ZNF615: variants seen among roughly 807,000 people sequenced by gnomAD.
The protein encoded by ZNF615 is zinc finger protein 615.
ZNF615 carries 15 observed loss-of-function variants against 15.3 expected under a neutral mutation model. That is an observed-to-expected ratio of 0.98 (90% CI 0.66 to 1.51). The LOEUF is 1.51. Ranked by LOEUF, ZNF615 falls within the 40% of genes most tolerant of loss-of-function variation. ZNF615 has a pLI of 0.00. For missense variants in ZNF615, 848 were observed against 895.9 expected, an observed-to-expected ratio of 0.95 and a Z score of 0.68; for synonymous variants, 268 against 294.6, an observed-to-expected ratio of 0.91 and a Z score of 0.92.
At position 51,993,453 on chromosome 19, in the gene ZNF615, A is replaced by G; in HGVS notation, c.1656T>C (p.Ile552=). 1 of 1,609,316 alleles carries G rather than the reference A, an allele frequency of 6.2e-7. No individual in the cohort carries two copies. Among genetic ancestry groups the G allele is most frequent in the Non-Finnish European group, 8.5e-7 (1 of 1,178,350 alleles). The change falls in exon 7 of 7, where the codon ATT becomes ATC. Residue 552 remains isoleucine (I), a synonymous_variant. Transcript: ENST00000598071. ...TGAAGCCTTTTCCACACTCATTGCA[A>G]ATATAAGGTTTCTCTCCTGTATGAG... The part of the protein sequence containing the change: ...QRTHTGEKPY[I]CNECGKGFTE...
intron 5 of ZNF615, 78 bp from the exon 6 acceptor site, chr19:52,000,456 G>A (rs1364096285): frequency 5.5e-6 from 3 of 544,886 alleles, no homozygotes; most frequent in Non-Finnish European, 6.5e-6. Context: ...ATTATTCTTA[G>A]AGGGAAGATG....
intron 6 of ZNF615, among the ~76,000 whole-genome samples, chr19:51,997,479 A>G (rs1182797545): frequency 6.6e-6 from 1 of 151,662 alleles, no homozygotes; most frequent in African/African-American, 2.4e-5. Context: ...GAAAGGTTCT[A>G]TACTTAAGAC....
Position 51,993,212 on chromosome 19 carries a change from T to G in ZNF615, c.1897A>C (p.Lys633Gln). The change falls in exon 7 of 7, where the codon AAG becomes CAG. Residue 633 changes from lysine to glutamine, a missense_variant. Transcript: ENST00000598071. ...TCACATTCATTGCATTTGTATGGCT[T>G]CTCTCCAGTATGAGTTTGCTGATGT... ...SIHQQTHTGE[K>Q]PYKCNECDKT... 6.2e-7 allele frequency: 1 copy of G among 1,614,260 alleles called. No individual in the cohort carries two copies. The highest frequency in any genetic ancestry group is 1.1e-5 in the South Asian group (1 of 91,084).
In ZNF615 at chr19:52,003,759, T is replaced by C. The variant is rs570196948; in HGVS notation, c.-48A>G. On this transcript the variant is annotated 5_prime_UTR_variant, in exon 3 of 7. Transcript: ENST00000598071. ...ACTGCTAACTTGGACGTTCTGTATT[T>C]GTCTCTTCTGAATCAGCTCTAAATT... 8.8e-4 allele frequency: 1,417 copies of C among 1,607,700 alleles called. 18 individuals carry two copies. The South Asian group carries it at 0.014, about 16-fold the overall frequency.
chr19:52,000,324 G>T, intron 6 of ZNF615, 22 bp downstream of exon 6: 1 of 612,862 alleles, frequency 1.6e-6, no homozygotes. Context: ...TCGGCATCAG[G>T]CAATATATCC....
Position 52,003,918 on chromosome 19 carries a change from C to T in ZNF615, c.-189-18G>A. Reference sequence around the variant, plus strand: ...CCTGTGGGCTGAAGAGCAAATTACTCTGAGTGGTACATTCTTTTTAGGCCC... The same window carrying T: ...CCTGTGGGCTGAAGAGCAAATTACTTTGAGTGGTACATTCTTTTTAGGCCC... On this transcript the variant is annotated intron_variant, in intron 2 of 6. Coordinates refer to ENST00000598071, the MANE Select transcript of ZNF615 (RefSeq NM_001199324.2). The T allele has an allele frequency of 7.4e-7, 1 of 1,348,740 alleles. No individual in the cohort carries two copies. The highest frequency in any genetic ancestry group is 9.5e-7 in the Non-Finnish European group (1 of 1,051,444). 83.5% of individuals were successfully genotyped at this position (1,348,740 alleles called of 1,614,324 possible).
Position 51,992,572 on chromosome 19 carries a change from G to C in ZNF615, c.*308C>G. On this transcript the variant is annotated 3_prime_UTR_variant, in exon 7 of 7. Transcript: ENST00000598071. ...TGAAGTTTTATTTTTGGGCAAAGAC[G>C]TTCCTATAATTATTACATTTCCACG... 1 of 248,182 alleles carries C rather than the reference G, an allele frequency of 4.0e-6. No homozygotes were observed. The highest frequency in any genetic ancestry group is 8.1e-5 in the East Asian group (1 of 12,400). The allele number at this position is 248,182 out of a possible 1,614,324, so 15.4% of individuals were successfully genotyped here. A position where few individuals can be genotyped will look rare whatever the true frequency, so the allele number is the denominator to read the frequency against.
At chr19:52,002,327 A>G in intron 3 of ZNF615, 46 bp from the exon 4 acceptor site, 1 of 1,612,350 alleles carries the variant, frequency 6.2e-7, no homozygotes, top group South Asian at 1.1e-5. Flanking sequence ...TCTTTTGGTG[A>G]TAGGAAAAGA....
At chr19:51,999,434 G>A (rs1272912631) in intron 6 of ZNF615, among the ~76,000 whole-genome samples, 1 of 152,166 alleles carries the variant, frequency 6.6e-6, no homozygotes, top group Non-Finnish European at 1.5e-5. Flanking sequence ...AAAGATGGAG[G>A]ACTCACACTT....
chr19:52,000,345 C>A lies in ZNF615; in HGVS notation c.271+1G>T. 1.6e-5 allele frequency: 10 copies of A among 632,716 alleles called. No homozygotes were observed. The highest frequency in any genetic ancestry group is 2.6e-5 in the Non-Finnish European group (9 of 345,424). 39.2% of individuals were successfully genotyped at this position (632,716 alleles called of 1,614,324 possible). A position where few individuals can be genotyped will look rare whatever the true frequency, so the allele number is the denominator to read the frequency against. On this transcript the variant is annotated splice_donor_variant, in intron 6 of 6. Transcript: ENST00000598071. LOFTEE classifies it high-confidence loss of function. ...TCAGGCAATATATCCATGAGACAAA[C>A]CTGCATATGCACCTCCTGATGCACC...
At chr19:52,008,060 A>G in intron 1 of ZNF615, 81 bp downstream of exon 1, 1 of 1,346,460 alleles carries the variant, frequency 7.4e-7, no homozygotes, top group South Asian at 1.3e-5. Context: ...CCAGTCCATC[A>G]CCACTGTCCA....
chr19:52,007,737 T>C (rs1373701974), intron 1 of ZNF615, among the ~76,000 whole-genome samples: 1 of 152,134 alleles, frequency 6.6e-6, no homozygotes, highest in Non-Finnish European at 1.5e-5. Context: ...CTCAATCATT[T>C]AGTCCCAAAC....
At chr19:51,996,419 T>C (rs907496732) in intron 6 of ZNF615, among the ~76,000 whole-genome samples, 2 of 118,536 alleles carry the variant, frequency 1.7e-5, no homozygotes, top group African/African-American at 3.4e-5. Flanking sequence ...CGCAAAACTA[T>C]ATGGCTTCAG....
chr19:52,002,523 A>G, intron 3 of ZNF615: 1 of 593,588 alleles, frequency 1.7e-6, no homozygotes, highest in Middle Eastern at 2.6e-4. Context: ...TCCTCTTGCT[A>G]ATGAAAGAAC....
chr19:51,993,951 A>G lies in ZNF615; in HGVS notation c.1158T>C (p.Asn386=), dbSNP rs1483485826. 6.2e-7 allele frequency: 1 copy of G among 1,613,922 alleles called. No individual in the cohort carries two copies. Among genetic ancestry groups the G allele is most frequent in the Admixed American group, 1.7e-5 (1 of 60,012 alleles). Residue 386 remains asparagine, a synonymous_variant, in exon 7 of 7, where the codon AAT becomes AAC. Transcript: ENST00000598071. ...TCAAGGTGAAGCCTTTCCCACATTT[A>G]TTGCATATAAAGGGTTTCTCACCAG... is the stretch of plus-strand genomic sequence containing the variant. The part of the protein sequence containing the change: ...THTGEKPFIC[N]KCGKGFTLKN...
intron 3 of ZNF615, 29 bp downstream of exon 3, chr19:52,003,668 A>G (rs199521512): frequency 6.3e-7 from 1 of 1,591,570 alleles, no homozygotes; most frequent in East Asian, 2.2e-5. Context: ...TGGAGAATAA[A>G]GGAAAGAATA....
At chr19:51,995,875 C>T (rs1320607776) in intron 6 of ZNF615, among the ~76,000 whole-genome samples, 2 of 151,448 alleles carry the variant, frequency 1.3e-5, no homozygotes, top group African/African-American at 2.4e-5. Context: ...CCAATTTTCA[C>T]GAAGGTTTAA....
intron 1 of ZNF615, 66 bp from the exon 2 acceptor site, chr19:52,007,396 A>G: frequency 8.1e-6 from 8 of 987,346 alleles, no homozygotes; most frequent in Non-Finnish European, 1.1e-5. Flanking sequence ...GCCGCATCTT[A>G]AATATAAAAC....
intron 6 of ZNF615, among the ~76,000 whole-genome samples, chr19:51,999,485 C>T (rs1037209908): frequency 1.3e-5 from 2 of 152,148 alleles, no homozygotes; most frequent in African/African-American, 4.8e-5. Flanking sequence ...ATCATCAAGA[C>T]TATTTGATAA....
Sources: allele counts gnomAD v4.1 joint callset (sites outside exome capture counted in the v4.1 genomes callset), GRCh38; gene constraint gnomAD v4.1.1; transcripts MANE v1.5; gene names NCBI Gene and HGNC (gene_info 2026-07-23, HGNC 2026-07-21).